The following FAM193A variants were observed in gnomAD, a reference collection of about 807,000 sequenced individuals.
FAM193A encodes the protein protein FAM193A.
Under a neutral mutation model 126.5 loss-of-function variants are expected in FAM193A, and 22 were observed. The ratio of observed to expected loss-of-function variants is 0.17; its 90% CI spans 0.12 to 0.25. The LOEUF (loss-of-function observed/expected upper bound fraction) is 0.25, where lower values mean the gene tolerates loss of function less well. FAM193A is among the 10% of genes least tolerant of loss of function. The pLI is 1.00. For synonymous variants in FAM193A, 761 were observed against 646.8 expected (o/e 1.18, Z -2.68); for missense variants, 1,675 against 1,672.8 (o/e 1.00, Z -0.02).
chr4:2,536,280 C>A (rs1464478404), upstream of FAM193A, among the ~76,000 whole-genome samples: 1 of 151,616 alleles, frequency 6.6e-6, no homozygotes, highest in Non-Finnish European at 1.5e-5. Context: ...TAGCCCTACG[C>A]CCGACCACAA....
chr4:2,539,015 C>T (rs1737062371), intron 1 of FAM193A, among the ~76,000 whole-genome samples: 1 of 152,040 alleles, frequency 6.6e-6, no homozygotes, highest in East Asian at 1.9e-4. Context: ...CTAACCCTCT[C>T]AAGTAGCTGG....
chr4:2,673,016 G>T (rs1713998880), intron 13 of FAM193A, among the ~76,000 whole-genome samples: 2 of 152,194 alleles, frequency 1.3e-5, no homozygotes, highest in African/African-American at 2.4e-5. Context: ...TCTTCCCAGA[G>T]AACCTCATGT....
intron 20 of FAM193A, among the ~76,000 whole-genome samples, chr4:2,728,422 T>C (rs569554470): frequency 2.1e-3 from 323 of 152,140 alleles, no homozygotes; most frequent in Non-Finnish European, 3.9e-3. Flanking sequence ...ATGGGCAGTT[T>C]CGTTTTTCTA....
intron 1 of FAM193A, among the ~76,000 whole-genome samples, chr4:2,592,481 A>G (rs527825845): frequency 2.6e-5 from 4 of 152,340 alleles, no homozygotes; most frequent in South Asian, 2.1e-4. Context: ...TCCTGTCTCA[A>G]ACAGTGAAAC....
At chr4:2,634,577 G>A (rs1047655182) in intron 5 of FAM193A, among the ~76,000 whole-genome samples, 2 of 152,036 alleles carry the variant, frequency 1.3e-5, no homozygotes, top group Admixed American at 6.6e-5. Context: ...TTTGAAATTG[G>A]GAGTTAAGGA....
At chr4:2,647,189 A>G (rs564476192) in intron 7 of FAM193A, among the ~76,000 whole-genome samples, 2 of 151,806 alleles carry the variant, frequency 1.3e-5, no homozygotes, top group Admixed American at 6.6e-5. Flanking sequence ...CTTGTTGCCC[A>G]GGCTGGAGTG....
At position 2,700,396 on chromosome 4, in the gene FAM193A, C is replaced by G; in HGVS notation, c.4224C>G (p.Asp1408Glu). 6.2e-7 allele frequency: 1 copy of G among 1,614,042 alleles called. No homozygotes were observed. The highest frequency in any genetic ancestry group is 8.5e-7 in the Non-Finnish European group (1 of 1,180,018). Residue 1408 changes from aspartate (D) to glutamate (E), a missense_variant, in exon 19 of 21, where the codon GAC (aspartate) becomes GAG (glutamate). Asp to Glu is a conservative substitution (Grantham distance 45). Around this residue, in one of 4 missense-constraint regions of FAM193A, gnomAD observed 415 missense variants for 396.7 expected, o/e 1.05. Transcript: ENST00000637812. ...NNKKQLNHIK[D>E]EKSNPTPMEP... Reference sequence around the variant, plus strand: ...AAAAGCAGCTGAACCACATCAAGGACGAAAAGTCAAACCCAACCCCTATGG... The same window carrying G: ...AAAAGCAGCTGAACCACATCAAGGAGGAAAAGTCAAACCCAACCCCTATGG...
intron 7 of FAM193A, chr4:2,654,872 G>T (rs1711514851): frequency 4.6e-6 from 2 of 437,984 alleles, no homozygotes; most frequent in African/African-American, 3.9e-5. Context: ...AAGCATTCAT[G>T]CTGGAAACTG....
chr4:2,613,524 G>T (rs1742006640), intron 2 of FAM193A, among the ~76,000 whole-genome samples: 2 of 151,680 alleles, frequency 1.3e-5, no homozygotes, highest in African/African-American at 2.4e-5. Context: ...CGCGATGTCG[G>T]CTCACCACAA....
intron 4 of FAM193A, among the ~76,000 whole-genome samples, chr4:2,628,154 G>A (rs996185517): frequency 1.3e-5 from 2 of 152,222 alleles, no homozygotes; most frequent in African/African-American, 4.8e-5. Context: ...AAAGTGTTGG[G>A]ATTACAGGCG....
chr4:2,685,035 G>A (rs934350578), intron 13 of FAM193A, among the ~76,000 whole-genome samples: 1 of 152,170 alleles, frequency 6.6e-6, no homozygotes, highest in Non-Finnish European at 1.5e-5. Context: ...TTGAATCCTG[G>A]GTCTTTTTCA....
chr4:2,571,081 C>T lies in FAM193A; in HGVS notation c.256-25003C>T, dbSNP rs545009719. Among the ~76,000 whole-genome samples the T allele has an allele frequency of 2.0e-5, 3 of 152,294 alleles. No homozygotes were observed. In the East Asian group the frequency reaches 5.8e-4, roughly 29 times the overall value. ...CAGAGCCTCTTTCCTGCCTTGTCAC[C>T]TTACCCATAGGCTCTGCTCTTTAGT... On this transcript the variant is annotated intron_variant, in intron 1 of 20. Transcript: ENST00000637812.
chr4:2,730,073 T>C (rs559114158), intron 20 of FAM193A, among the ~76,000 whole-genome samples: 1 of 152,240 alleles, frequency 6.6e-6, no homozygotes, highest in East Asian at 1.9e-4. Context: ...CACTCCTGGC[T>C]AACTTTTTAC....
intron 5 of FAM193A, among the ~76,000 whole-genome samples, chr4:2,636,643 A>G (rs917095633): frequency 5.3e-5 from 8 of 152,210 alleles, no homozygotes; most frequent in Non-Finnish European, 1.2e-4. Context: ...ATAAAAAATG[A>G]TATTTGTTTA....
At chr4:2,718,329 G>A (rs550460120) in intron 20 of FAM193A, among the ~76,000 whole-genome samples, 2 of 151,886 alleles carry the variant, frequency 1.3e-5, no homozygotes, top group Non-Finnish European at 2.9e-5. Context: ...TTAGATGGAA[G>A]AAGAATTAAG....
chr4:2,653,089 G>A (rs1320434577), intron 7 of FAM193A, among the ~76,000 whole-genome samples: 1 of 152,204 alleles, frequency 6.6e-6, no homozygotes, highest in Non-Finnish European at 1.5e-5. Context: ...GATGGAAATG[G>A]CAGATAAAGT....
Position 2,631,050 on chromosome 4 carries a change from A to G in FAM193A, c.919A>G (p.Lys307Glu), listed in dbSNP as rs1398077467. 2 of 1,613,404 alleles carry G rather than the reference A, an allele frequency of 1.2e-6. No homozygotes were observed. The highest frequency in any genetic ancestry group is 1.7e-6 in the Non-Finnish European group (2 of 1,180,028). ...LRQLSAAAKVKAPSGLQGPPQ... is the reference protein window; with the variant it reads ...LRQLSAAAKVEAPSGLQGPPQ... ...GCAGCTGTCGGCTGCGGCCAAGGTG[A>G]AGGCACCATCTGGCCTGCAGGGCCC... The change falls in exon 5 of 21, where the codon AAG becomes GAG. Residue 307 changes from lysine (K) to glutamate (E), a missense_variant. This residue lies in a region of FAM193A where 1,186 missense variants were observed against 1,109.2 expected (regional missense o/e 1.07). Transcript: ENST00000637812.
intron 6 of FAM193A, among the ~76,000 whole-genome samples, chr4:2,644,657 C>T (rs1347554056): frequency 6.7e-6 from 1 of 148,994 alleles, no homozygotes; most frequent in Non-Finnish European, 1.5e-5. Flanking sequence ...CACCTAACCT[C>T]TGCTGCCTTC....
chr4:2,645,503 G>T (rs1327712649), intron 6 of FAM193A, among the ~76,000 whole-genome samples: 1 of 151,618 alleles, frequency 6.6e-6, no homozygotes, highest in Non-Finnish European at 1.5e-5. Flanking sequence ...TTTCCATCTT[G>T]CCATCTTTCT....
Sources: allele counts gnomAD v4.1 joint callset (sites outside exome capture counted in the v4.1 genomes callset), GRCh38; gene constraint gnomAD v4.1.1; regional missense constraint gnomAD v4.1.1; transcripts MANE v1.5; gene names NCBI Gene and HGNC (gene_info 2026-07-23, HGNC 2026-07-21).